Variants in RABGAP1L observed in about 807,000 individuals in gnomAD.
RABGAP1L encodes RAB GTPase activating protein 1 like.
RABGAP1L carries 63 observed loss-of-function variants against 137.7 expected under a neutral mutation model. That is an observed-to-expected ratio of 0.46 (90% CI 0.37 to 0.56). The LOEUF (loss-of-function observed/expected upper bound fraction) is 0.56. Among genes scored for constraint, RABGAP1L ranks in the 20% least tolerant of loss-of-function variants. The pLI, the probability that RABGAP1L is intolerant of heterozygous loss-of-function variation, is 0.00. For missense variants in RABGAP1L, 1,095 were observed against 1,244.0 expected, an observed-to-expected ratio of 0.88 and a Z score of 1.80; for synonymous variants, 431 against 433.7, an observed-to-expected ratio of 0.99 and a Z score of 0.08.
intron 17 of RABGAP1L, among the ~76,000 whole-genome samples, chr1:174,711,135 C>T (rs890174976): frequency 2.7e-5 from 4 of 149,964 alleles, no homozygotes; most frequent in South Asian, 2.3e-4. Context: ...GCTGTGAGTG[C>T]GGGGCCTGCC....
At chr1:174,482,354 C>T (rs1036518258) in intron 13 of RABGAP1L, among the ~76,000 whole-genome samples, 1 of 152,082 alleles carries the variant, frequency 6.6e-6, no homozygotes, top group Non-Finnish European at 1.5e-5. Context: ...CTCATTATTC[C>T]AAGACTTGCT....
chr1:174,272,435 C>A lies in RABGAP1L; in HGVS notation c.1008C>A (p.Ser336Arg). 1 of 1,602,702 alleles carries A rather than the reference C, an allele frequency of 6.2e-7. No individual in the cohort carries two copies. The highest frequency in any genetic ancestry group is 1.1e-5 in the South Asian group (1 of 88,482). ...AIERCFGMLL[S>R]PGRNVKNSDM... The stretch of plus-strand genomic sequence containing the variant: ...TCAGATGTTTTGGAATGTTATTAAG[C>A]CCAGGTCGAAACGTGAAGAACAGTG... Residue 336 changes from serine (S) to arginine (R), a missense_variant, in exon 8 of 26, where the codon AGC (serine) becomes AGA (arginine). Physicochemically the swap from Ser to Arg is moderately radical, Grantham distance 110 (BLOSUM62 -1). This residue lies in a region of RABGAP1L where 112 missense variants were observed against 157.3 expected (regional missense o/e 0.71). Transcript: ENST00000681986.
intron 13 of RABGAP1L, among the ~76,000 whole-genome samples, chr1:174,570,042 T>G (rs1381073773): frequency 1.3e-5 from 2 of 152,198 alleles, no homozygotes; most frequent in Non-Finnish European, 2.9e-5. Context: ...ACCATTGATA[T>G]AAGGTAAGTG....
chr1:174,902,069 T>A (rs1658234917), intron 19 of RABGAP1L, among the ~76,000 whole-genome samples: 1 of 152,002 alleles, frequency 6.6e-6, no homozygotes, highest in Non-Finnish European at 1.5e-5. Context: ...GGAAGCTCCA[T>A]CCTAGGGGGA....
chr1:174,218,973 A>G (rs1012173279), intron 1 of RABGAP1L, among the ~76,000 whole-genome samples, 152 bp from the exon 2 acceptor site: 16 of 152,174 alleles, frequency 1.1e-4, no homozygotes, highest in Non-Finnish European at 2.2e-4. Context: ...GCTCAGTCCA[A>G]GAAGGTAGCC....
At position 174,991,166 on chromosome 1, in the gene RABGAP1L, A is replaced by G. The variant is rs1672030119; in HGVS notation, c.*1165A>G. The G allele has an allele frequency of 6.6e-6, 1 of 152,242 alleles. No individual in the cohort carries two copies. Among genetic ancestry groups the G allele is most frequent in the African/African-American group, 2.4e-5 (1 of 41,472 alleles). The allele number at this position is 152,242 out of a possible 1,614,324, so 9.4% of individuals were successfully genotyped here. ...TCATGGAAAGGTAAAGCTATTGTTTAAAAATTAGTGGAAATATTTTTTCAA... is the reference window on the plus strand; with the variant it reads ...TCATGGAAAGGTAAAGCTATTGTTTGAAAATTAGTGGAAATATTTTTTCAA... On this transcript the variant is annotated 3_prime_UTR_variant, in exon 26 of 26. Transcript: ENST00000681986.
At chr1:174,325,507 TA>T (rs1182604405) in intron 11 of RABGAP1L, among the ~76,000 whole-genome samples, 5 of 152,184 alleles carry the variant, frequency 3.3e-5, no homozygotes, top group African/African-American at 1.2e-4. Flanking sequence ...CAAAGATGAA[TA>T]AACTGTAGTT....
chr1:174,770,351 T>C (rs1230177131), intron 18 of RABGAP1L, among the ~76,000 whole-genome samples: 1 of 152,170 alleles, frequency 6.6e-6, no homozygotes, highest in Non-Finnish European at 1.5e-5. Flanking sequence ...AGTTTTAAAG[T>C]TTCAGAAATA....
chr1:174,426,116 CCAA>C (rs1425159960), intron 13 of RABGAP1L, among the ~76,000 whole-genome samples: 1 of 152,044 alleles, frequency 6.6e-6, no homozygotes. Context: ...TTGAACACCA[CCAA>C]CAATTTTGTT....
At chr1:174,173,410 G>A (rs895702491) in intron 1 of RABGAP1L, among the ~76,000 whole-genome samples, 2 of 152,156 alleles carry the variant, frequency 1.3e-5, no homozygotes, top group African/African-American at 2.4e-5. Context: ...GATTACAGGC[G>A]TGAGCCACAG....
At chr1:174,288,836 C>T (rs1052340470) in intron 10 of RABGAP1L, among the ~76,000 whole-genome samples, 2 of 152,020 alleles carry the variant, frequency 1.3e-5, no homozygotes, top group African/African-American at 2.4e-5. Context: ...TTCTGGAATG[C>T]TTATGTTGTT....
chr1:174,470,031 C>T (rs991468715), intron 13 of RABGAP1L, among the ~76,000 whole-genome samples: 2 of 152,126 alleles, frequency 1.3e-5, no homozygotes, highest in African/African-American at 4.8e-5. Flanking sequence ...CCTAAAAATT[C>T]CTTGTATATG....
chr1:174,842,534 T>A lies in RABGAP1L; in HGVS notation c.2340+30574T>A, dbSNP rs138992500. On this transcript the variant is annotated intron_variant, in intron 19 of 25. Coordinates refer to ENST00000681986, the MANE Select transcript of RABGAP1L (RefSeq NM_001366446.1). ...TAGTCCTTTACTGTTTCATTTATCT[T>A]CATGATAACCCTTAAATTTAAGTAA... is the stretch of plus-strand genomic sequence containing the variant. Among the ~76,000 whole-genome samples, 47 of 152,342 alleles carry A rather than the reference T, an allele frequency of 3.1e-4. No homozygotes were observed. In the East Asian group the frequency reaches 8.9e-3, roughly 29 times the overall value.
chr1:174,180,373 C>A (rs1270980519), intron 1 of RABGAP1L, among the ~76,000 whole-genome samples: 1 of 152,182 alleles, frequency 6.6e-6, no homozygotes, highest in Non-Finnish European at 1.5e-5. Context: ...AATAATGATA[C>A]AATGATAGTG....
chr1:174,420,424 CATAGAG>C lies in RABGAP1L; in HGVS notation c.1710+26283_1710+26288del, dbSNP rs1332664206. Among the ~76,000 whole-genome samples the C allele has an allele frequency of 2.6e-5, 4 of 152,122 alleles. No homozygotes were observed. The East Asian group carries it at 7.7e-4, about 29-fold the overall frequency. On this transcript the variant is annotated intron_variant, in intron 13 of 25. Transcript: ENST00000681986. The stretch of plus-strand genomic sequence containing the variant: ...TATTCATGATATAGTTGATTACTGA[CATAGAG>C]ATAATGATATGAATCTTGAACATAC...
chr1:174,642,950 A>AAGGG (rs1674662942), intron 14 of RABGAP1L, among the ~76,000 whole-genome samples: 1 of 151,740 alleles, frequency 6.6e-6, no homozygotes, highest in South Asian at 2.1e-4. Flanking sequence ...ACTCTGGGCT[A>AAGGG]ATTTTGGTCT....
chr1:174,310,385 A>G (rs971064953), intron 11 of RABGAP1L, among the ~76,000 whole-genome samples: 22 of 152,128 alleles, frequency 1.4e-4, no homozygotes, highest in Non-Finnish European at 3.1e-4. Context: ...GATCTGTTCT[A>G]GAGAATGTTT....
At chr1:174,436,499 GTTGT>G (rs1653327109) in intron 13 of RABGAP1L, among the ~76,000 whole-genome samples, 2 of 152,030 alleles carry the variant, frequency 1.3e-5, no homozygotes, top group Admixed American at 1.3e-4. Context: ...TTTTGATGGG[GTTGT>G]TTGTTTTTTT....
intron 11 of RABGAP1L, among the ~76,000 whole-genome samples, chr1:174,339,909 G>A (rs61828630): frequency 0.09 from 13,732 of 152,074 alleles, 838 homozygotes; most frequent in East Asian, 0.22. Context: ...ACCCTTGAAT[G>A]TAAAAATATT....
Sources: gnomAD v4.1 joint callset for allele counts (sites outside exome capture counted in the v4.1 genomes callset) on GRCh38, gnomAD v4.1.1 for gene constraint, gnomAD v4.1.1 regional missense constraint, MANE v1.5 for transcripts, NCBI Gene and HGNC (gene_info 2026-07-23, HGNC 2026-07-21) for gene names.